Variants in NBPF10 observed in about 807,000 individuals in gnomAD.
The protein encoded by NBPF10 is NBPF member 10.
A neutral mutation model predicts 77.9 loss-of-function variants in NBPF10; 63 were observed. The observed-to-expected ratio is 0.81, with a 90% CI of 0.66 to 1.00. The LOEUF (loss-of-function observed/expected upper bound fraction) is 1.00, where lower values mean the gene tolerates loss of function less well. Ranked by LOEUF, NBPF10 falls within the 50% of genes least tolerant of loss-of-function variation. The pLI is 0.00. For missense variants in NBPF10, 522 were observed against 679.8 expected (o/e 0.77, Z 2.58); for synonymous variants, 146 against 264.5 (o/e 0.55, Z 4.35).
At chr1:146,127,891 G>T (rs1318690587) in intron 12 of NBPF10, among the ~76,000 whole-genome samples, 2 of 139,372 alleles carry the variant, frequency 1.4e-5, no homozygotes, top group East Asian at 2.1e-4. Flanking sequence ...AGTCAGTCCA[G>T]GTTGGCACGG....
chr1:146,114,144 T>C (rs199829916), intron 29 of NBPF10, among the ~76,000 whole-genome samples: 60 of 1,648 alleles, frequency 0.036, 13 homozygotes, highest in Middle Eastern at 0.5. Context: ...TCTGAGTTAG[T>C]GCCCTCAGGA....
intron 21 of NBPF10, 28 bp downstream of exon 21, chr1:146,120,697 T>A: frequency 7.5e-6 from 1 of 133,934 alleles, no homozygotes; most frequent in Non-Finnish European, 1.4e-5. Context: ...CAACACAGAA[T>A]TAATCATCCA....
At position 146,140,362 on chromosome 1, in the gene NBPF10, T is replaced by G. The variant is rs1176166406; in HGVS notation, c.566+122A>C. On this transcript the variant is annotated intron_variant, in intron 4 of 89. Transcript: ENST00000583866. ...ACCCTGTGTCTAAGCTGGGTTCAAT[T>G]TCACATACTGTGGCCAAGGGAATGC... is the stretch of plus-strand genomic sequence containing the variant. The G allele has an allele frequency of 3.6e-4, 325 of 904,710 alleles. 51 individuals carry two copies. The Admixed American group carries it at 6.8e-3, about 19-fold the overall frequency. The allele number at this position is 904,710 out of a possible 1,614,324, so 56.0% of individuals were successfully genotyped here.
intron 14 of NBPF10, among the ~76,000 whole-genome samples, chr1:146,125,840 C>A (rs587663277): frequency 3.3e-5 from 5 of 150,124 alleles, no homozygotes; most frequent in Admixed American, 3.3e-4. Context: ...AAAAACTGCA[C>A]TATTCAGCCC....
chr1:146,068,528 C>G lies in NBPF10; in HGVS notation c.10862+244G>C, dbSNP rs1183031009. Among the ~76,000 whole-genome samples the G allele has an allele frequency of 7.0e-5, 2 of 28,444 alleles. 1 individual carries two copies. Among genetic ancestry groups the G allele is most frequent in the Non-Finnish European group, 1.7e-4 (2 of 11,486 alleles). The allele number at this position is 28,444 out of a possible 152,430, so 18.7% of individuals were successfully genotyped here. ...CTCAATAATTTTCCATAAACTTGCT[C>G]AAGATTCCATGCAGTTGCCATACAG... On this transcript the variant is annotated intron_variant, in intron 87 of 89. Transcript: ENST00000583866.
At chr1:146,072,828 G>T (rs1553779969) in exon 82 of NBPF10, 1 of 128,884 alleles carries the variant, frequency 7.8e-6, no homozygotes, top group Non-Finnish European at 1.4e-5. Context: ...TAACCTGAAG[G>T]AGTCGAATAA....
At chr1:146,134,164 A>C (rs1553793978) in intron 9 of NBPF10, 29 bp downstream of exon 9, 9 of 1,405,702 alleles carry the variant, frequency 6.4e-6, no homozygotes, top group Non-Finnish European at 8.8e-6. Flanking sequence ...GTTACCATCC[A>C]TTAATTGTTC....
Position 146,065,484 on chromosome 1 carries a change from A to ATG in NBPF10, c.*832_*833dup, listed in dbSNP as rs1274927288. 2 of 23,454 alleles carry ATG rather than the reference A, an allele frequency of 8.5e-5. 1 individual carries two copies. The allele number at this position is 23,454 out of a possible 1,614,324, so 1.5% of individuals were successfully genotyped here. On this transcript the variant is annotated 3_prime_UTR_variant, in exon 90 of 90. Coordinates refer to ENST00000583866, the Ensembl canonical transcript of NBPF10. Reference sequence around the variant, plus strand: ...TGTGTGATTTGTGGTGATATGGACTATGTGAAGGAGACAGGTCAGTTGTCC... The same window carrying ATG: ...TGTGTGATTTGTGGTGATATGGACTATGTGTGAAGGAGACAGGTCAGTTGTCC...
exon 90 of NBPF10, chr1:146,066,558 G>C (rs587611275): frequency 3.3e-5 from 23 of 697,164 alleles, no homozygotes; most frequent in African/African-American, 2.2e-5. Context: ...GCACGCCGTT[G>C]AGCCTGGAAA....
rs1277920966 is a variant in NBPF10, at chr1:146,126,389, C to T, written c.1873G>A (p.Asp625Asn). The T allele has an allele frequency of 3.1e-6, 4 of 1,309,004 alleles. No individual in the cohort carries two copies. In the South Asian group the frequency reaches 3.5e-5, roughly 12 times the overall value. The allele number at this position is 1,309,004 out of a possible 1,614,324, so 81.1% of individuals were successfully genotyped here. Residue 625 changes from aspartate (D) to asparagine (N), a missense_variant, in exon 14 of 90, where the codon GAT (aspartate) becomes AAT (asparagine). By Grantham distance (23) the Asp-to-Asn change is conservative (BLOSUM62 1). Around this residue, in one of 9 missense-constraint regions of NBPF10, gnomAD observed 178 missense variants for 77.7 expected, o/e 2.29. Coordinates refer to ENST00000583866, the Ensembl canonical transcript of NBPF10. ...TGCAAGACTTCAGGCCCTTTCTCAT[C>T]CAGCAGCTCCCTGCTGAGCGTGGAA...
chr1:146,139,265 A>ATT lies in NBPF10; in HGVS notation c.778+542_778+543dup, dbSNP rs10533520. ...CAGGCGCCCACCACCACGCCCAGCT[A>ATT]TTTTTTTTTTTTTTTTTGTATTTTT... On this transcript the variant is annotated intron_variant, in intron 5 of 89. Coordinates refer to ENST00000583866, the Ensembl canonical transcript of NBPF10. Among the ~76,000 whole-genome samples the ATT allele has an allele frequency of 4.7e-3, 653 of 139,878 alleles. 2 individuals are homozygous for ATT. Among genetic ancestry groups the ATT allele is most frequent in the African/African-American group, 0.014 (527 of 38,424 alleles). The allele number at this position is 139,878 out of a possible 152,430, so 91.8% of individuals were successfully genotyped here. A position where few individuals can be genotyped will look rare whatever the true frequency, so the allele number is the denominator to read the frequency against.
At chr1:146,069,251 A>G (rs1460107088) in intron 86 of NBPF10, among the ~76,000 whole-genome samples, 2 of 86,904 alleles carry the variant, frequency 2.3e-5, no homozygotes, top group East Asian at 4.9e-4. Flanking sequence ...TACAAAATTG[A>G]GACAAAATCA....
At chr1:146,126,275 A>G (rs781863544) in exon 14 of NBPF10, 4 of 1,607,916 alleles carry the variant, frequency 2.5e-6, no homozygotes, top group South Asian at 1.1e-5. Context: ...TGTTGCTCCA[A>G]TATGTAAAAG....
intron 89 of NBPF10, among the ~76,000 whole-genome samples, 196 bp from the exon 90 acceptor site, chr1:146,066,757 CAGAG>C (rs782490649): frequency 4.3e-4 from 65 of 150,630 alleles, no homozygotes; most frequent in Admixed American, 2.9e-3. Flanking sequence ...AAGAGAAAGA[CAGAG>C]AGAGAGAGAC....
chr1:146,126,356 G>C (rs781925252), exon 14 of NBPF10: 7 of 1,386,592 alleles, frequency 5.0e-6, no homozygotes, highest in Non-Finnish European at 7.2e-6. Context: ...CATCTATCCT[G>C]TGAGTCCTGC....
exon 90 of NBPF10, chr1:146,066,466 G>C (rs587714222): frequency 2.6e-6 from 2 of 781,884 alleles, no homozygotes; most frequent in East Asian, 2.7e-5. Context: ...GAATGAGTCA[G>C]GTAGTTCAAA....
intron 89 of NBPF10, among the ~76,000 whole-genome samples, chr1:146,066,803 C>G (rs1224373705): frequency 2.5e-4 from 37 of 149,056 alleles, no homozygotes; most frequent in Admixed American, 4.0e-4. Flanking sequence ...GAGAAAGTGA[C>G]CTAGTGAATT....
At chr1:146,126,448 A>G (rs1175157560) in intron 13 of NBPF10, 40 bp from the exon 14 acceptor site, 1 of 838,126 alleles carries the variant, frequency 1.2e-6, no homozygotes, top group Non-Finnish European at 2.1e-6. Context: ...GCCAGGGGGA[A>G]TCAGAAACCA....
At chr1:146,139,244 C>T (rs587601990) in intron 5 of NBPF10, among the ~76,000 whole-genome samples, 45 of 149,508 alleles carry the variant, frequency 3.0e-4, no homozygotes, top group Middle Eastern at 3.4e-3. Context: ...GGACTACAGG[C>T]GCCCACCACC....
Sources: gnomAD v4.1 joint callset for allele counts (sites outside exome capture counted in the v4.1 genomes callset) on GRCh38, gnomAD v4.1.1 for gene constraint, gnomAD v4.1.1 regional missense constraint, MANE v1.5 for transcripts, NCBI Gene and HGNC (gene_info 2026-07-23, HGNC 2026-07-21) for gene names.